KCNH5: variants seen among roughly 807,000 people sequenced by gnomAD.
KCNH5 encodes potassium voltage-gated channel subfamily H member 5, also known as voltage-gated delayed rectifier potassium channel KCNH5.
KCNH5 carries 46 observed loss-of-function variants against 96.1 expected under a neutral mutation model. The ratio of observed to expected loss-of-function variants is 0.48; its 90% CI spans 0.38 to 0.61. The LOEUF is 0.61. Among genes scored for constraint, KCNH5 ranks in the 20% least tolerant of loss-of-function variants. KCNH5 has a pLI of 0.00. For missense variants in KCNH5, 907 were observed against 1,225.8 expected, an observed-to-expected ratio of 0.74 and a Z score of 3.88; for synonymous variants, 439 against 449.8, an observed-to-expected ratio of 0.98 and a Z score of 0.30.
intron 1 of KCNH5, among the ~76,000 whole-genome samples, chr14:63,032,932 C>T (rs1352213715): frequency 6.6e-6 from 1 of 152,166 alleles, no homozygotes; most frequent in Non-Finnish European, 1.5e-5. Flanking sequence ...TCCCTACCTC[C>T]ATCTGCACGC....
intron 7 of KCNH5, among the ~76,000 whole-genome samples, chr14:62,942,618 T>C (rs565965845): frequency 1.2e-4 from 18 of 152,338 alleles, no homozygotes; most frequent in African/African-American, 3.8e-4. Flanking sequence ...TTCAGATTTC[T>C]TGTCATACAC....
intron 10 of KCNH5, among the ~76,000 whole-genome samples, chr14:62,756,338 T>C (rs1002515630): frequency 2.0e-5 from 3 of 152,044 alleles, no homozygotes; most frequent in Non-Finnish European, 2.9e-5. Context: ...TGTTCATAGA[T>C]TGGAAGAATC....
intron 7 of KCNH5, among the ~76,000 whole-genome samples, chr14:62,859,955 C>A (rs1888001084): frequency 6.6e-6 from 1 of 152,228 alleles, no homozygotes; most frequent in Non-Finnish European, 1.5e-5. Context: ...GCATTTGAGA[C>A]ACTTCTTCAT....
chr14:62,816,917 T>C (rs1886991368), intron 8 of KCNH5, among the ~76,000 whole-genome samples: 3 of 151,228 alleles, frequency 2.0e-5, no homozygotes, highest in South Asian at 4.2e-4. Flanking sequence ...CCTGACCAAA[T>C]ATGCAGTTGA....
intron 10 of KCNH5, among the ~76,000 whole-genome samples, chr14:62,770,431 C>T (rs1885961275): frequency 6.6e-6 from 1 of 152,208 alleles, no homozygotes. Context: ...TTTCTTACCA[C>T]TGGAACATCA....
chr14:63,025,542 C>G (rs1212834724), intron 1 of KCNH5, among the ~76,000 whole-genome samples: 1 of 150,124 alleles, frequency 6.7e-6, no homozygotes, highest in African/African-American at 2.5e-5. Context: ...GATATGAAAT[C>G]AACATATGAA....
intron 6 of KCNH5, among the ~76,000 whole-genome samples, chr14:62,976,679 G>C (rs1395297441): frequency 1.3e-5 from 2 of 152,160 alleles, no homozygotes; most frequent in Non-Finnish European, 2.9e-5. Flanking sequence ...TCCAGAAAGA[G>C]AAAATAGGTC....
At chr14:62,933,567 G>A (rs570244685) in intron 7 of KCNH5, among the ~76,000 whole-genome samples, 69 of 151,962 alleles carry the variant, frequency 4.5e-4, no homozygotes, top group African/African-American at 1.6e-3. Context: ...TTCCAAAGAT[G>A]GAAGTCAACA....
At chr14:62,974,675 T>C (rs113096875) in intron 6 of KCNH5, among the ~76,000 whole-genome samples, 90 of 152,326 alleles carry the variant, frequency 5.9e-4, no homozygotes, top group African/African-American at 2.0e-3. Context: ...TGCACTTACA[T>C]CATGTAAAAG....
chr14:62,716,590 C>T (rs988231824), intron 10 of KCNH5, among the ~76,000 whole-genome samples: 3 of 152,130 alleles, frequency 2.0e-5, no homozygotes, highest in African/African-American at 7.2e-5. Flanking sequence ...CCTACTTGTC[C>T]TGTGATACTC....
chr14:62,947,183 A>G (rs1391888268), intron 7 of KCNH5, among the ~76,000 whole-genome samples: 2 of 152,196 alleles, frequency 1.3e-5, no homozygotes, highest in Non-Finnish European at 2.9e-5. Flanking sequence ...ATTACTTCAA[A>G]ACAAAAAGGT....
intron 2 of KCNH5, among the ~76,000 whole-genome samples, chr14:63,010,784 T>C (rs1266107078): frequency 6.6e-6 from 1 of 152,216 alleles, no homozygotes; most frequent in African/African-American, 2.4e-5. Context: ...AGCCTCATTA[T>C]AGTACCTAGC....
chr14:62,950,265 G>C lies in KCNH5; in HGVS notation c.1237C>G (p.Pro413Ala). 1 of 1,613,962 alleles carries C rather than the reference G, an allele frequency of 6.2e-7. No individual in the cohort carries two copies. The highest frequency in any genetic ancestry group is 2.2e-5 in the East Asian group (1 of 44,852). Residue 413 changes from proline to alanine, a missense_variant, in exon 7 of 11, where the codon CCC (proline) becomes GCC (alanine). Around this residue, in one of 6 missense-constraint regions of KCNH5, gnomAD observed 370 missense variants for 561.3 expected, o/e 0.66. Coordinates refer to ENST00000322893, the MANE Select transcript of KCNH5 (RefSeq NM_139318.5). ...GACACGTACAATGAATCCTTGCTGG[G>C]TCCTCCTTCCCATATCCCAGCACTG... ...NTSAGIWEGG[P>A]SKDSLYVSSL...
chr14:62,999,286 A>G (rs1030176657), intron 4 of KCNH5, among the ~76,000 whole-genome samples: 4 of 152,208 alleles, frequency 2.6e-5, no homozygotes, highest in Non-Finnish European at 5.9e-5. Context: ...CTGATGGCCA[A>G]TGATGATGAG....
In KCNH5 at chr14:62,912,556, G is replaced by A. The variant is rs369839938; in HGVS notation, c.1369+37577C>T. ...TGAGTAGCTGGGATTATAGGTGCCC[G>A]CCACCACACCCAGCTATTTTTTGTA... On this transcript the variant is annotated intron_variant, in intron 7 of 10. Transcript: ENST00000322893. Among the ~76,000 whole-genome samples the A allele has an allele frequency of 3.3e-5, 5 of 151,880 alleles. No individual in the cohort carries two copies. In the East Asian group the frequency reaches 5.8e-4, roughly 18 times the overall value.
intron 10 of KCNH5, 78 bp from the exon 11 acceptor site, chr14:62,708,533 T>C (rs1481818024): frequency 2.3e-6 from 2 of 859,642 alleles, no homozygotes; most frequent in East Asian, 2.5e-5. Context: ...ATGCTGTATG[T>C]GCTTTGTGTT....
Position 63,001,478 on chromosome 14 carries a change from G to A in KCNH5, c.305-19C>T. The stretch of plus-strand genomic sequence containing the variant: ...GGGGTTCCTGTAACAGAAAGAAGTT[G>A]GGGAAAGGACATTAGAGTGTGGCAC... On this transcript the variant is annotated intron_variant, in intron 3 of 10. Coordinates refer to ENST00000322893, the MANE Select transcript of KCNH5 (RefSeq NM_139318.5). 1 of 1,604,162 alleles carries A rather than the reference G, an allele frequency of 6.2e-7. No homozygotes were observed. Among genetic ancestry groups the A allele is most frequent in the Non-Finnish European group, 8.5e-7 (1 of 1,175,602 alleles).
chr14:62,841,505 G>A (rs939996127), intron 8 of KCNH5, among the ~76,000 whole-genome samples: 12 of 150,908 alleles, frequency 8.0e-5, no homozygotes, highest in Non-Finnish European at 1.2e-4. Flanking sequence ...AAAGTCTAAC[G>A]TATATTTCTG....
chr14:62,896,664 CT>C (rs1489393712), intron 7 of KCNH5, among the ~76,000 whole-genome samples: 2 of 151,884 alleles, frequency 1.3e-5, no homozygotes, highest in African/African-American at 2.4e-5. Context: ...AAGTGAATTG[CT>C]TTTTTTTCTT....
Sources: allele counts gnomAD v4.1 joint callset (sites outside exome capture counted in the v4.1 genomes callset), GRCh38; gene constraint gnomAD v4.1.1; regional missense constraint gnomAD v4.1.1; transcripts MANE v1.5; gene names NCBI Gene and HGNC (gene_info 2026-07-23, HGNC 2026-07-21).